The following FBXL5 variants were observed in gnomAD, a reference collection of about 807,000 sequenced individuals.
FBXL5 encodes F-box and leucine rich repeat protein 5.
Under a neutral mutation model 78.3 loss-of-function variants are expected in FBXL5, and 26 were observed. The observed-to-expected ratio is 0.33, with a 90% CI of 0.24 to 0.46. The LOEUF (loss-of-function observed/expected upper bound fraction) is 0.46. FBXL5 is among the 20% of genes least tolerant of loss of function. The pLI is 1.00. For missense variants in FBXL5, 710 were observed against 829.2 expected (o/e 0.86, Z 1.77); for synonymous variants, 295 against 282.5 (o/e 1.04, Z -0.45).
intron 5 of FBXL5, among the ~76,000 whole-genome samples, chr4:15,633,463 T>C (rs1351801432): frequency 1.3e-5 from 2 of 152,186 alleles, no homozygotes; most frequent in Non-Finnish European, 2.9e-5. Context: ...AGTCAGCAGT[T>C]CAGAAGTAGA....
At chr4:15,642,834 G>A (rs977536234) in intron 2 of FBXL5, among the ~76,000 whole-genome samples, 5 of 152,116 alleles carry the variant, frequency 3.3e-5, no homozygotes, top group Non-Finnish European at 7.4e-5. Context: ...AACCTAATCT[G>A]TCAAGAATGA....
In FBXL5 at chr4:15,646,133, C is replaced by T. The variant is rs1715324584; in HGVS notation, c.85-1425G>A. On this transcript the variant is annotated intron_variant, in intron 1 of 10. Coordinates refer to ENST00000341285, the MANE Select transcript of FBXL5 (RefSeq NM_012161.4). ...TGTGGTCTGTAGCAATTATTTACCTCAGCAGTTGTAGCACAAAAGTAGTCA... is the reference window on the plus strand; with the variant it reads ...TGTGGTCTGTAGCAATTATTTACCTTAGCAGTTGTAGCACAAAAGTAGTCA... 2.0e-5 allele frequency among the ~76,000 whole-genome samples: 3 copies of T among 152,272 alleles called. No individual in the cohort carries two copies. The South Asian group carries it at 6.2e-4, about 32-fold the overall frequency.
At chr4:15,648,173 TAA>T (rs1346385592) in intron 1 of FBXL5, among the ~76,000 whole-genome samples, 7 of 152,166 alleles carry the variant, frequency 4.6e-5, no homozygotes, top group African/African-American at 1.7e-4. Flanking sequence ...GATAATTTAA[TAA>T]GTTAATATAA....
intron 2 of FBXL5, among the ~76,000 whole-genome samples, chr4:15,643,476 G>A (rs985836883): frequency 6.6e-6 from 1 of 152,214 alleles, no homozygotes; most frequent in African/African-American, 2.4e-5. Flanking sequence ...ACTATACCCA[G>A]TAATATCTTT....
chr4:15,640,768 G>T lies in FBXL5; in HGVS notation c.396+20C>A, dbSNP rs369379679. On this transcript the variant is annotated intron_variant, in intron 3 of 10. Transcript: ENST00000341285. ...TAAGAATGTTATAAATCTAAATCACGAAAGAAAAATTATGCTTACCTCCTC... is the reference window on the plus strand; with the variant it reads ...TAAGAATGTTATAAATCTAAATCACTAAAGAAAAATTATGCTTACCTCCTC... 7.4e-7 allele frequency: 1 copy of T among 1,351,382 alleles called. No individual in the cohort carries two copies. The highest frequency in any genetic ancestry group is 1.0e-6 in the Non-Finnish European group (1 of 988,592). 83.7% of individuals were successfully genotyped at this position (1,351,382 alleles called of 1,614,324 possible).
chr4:15,657,802 C>G (rs992334837), upstream of FBXL5, among the ~76,000 whole-genome samples: 1 of 152,164 alleles, frequency 6.6e-6, no homozygotes, highest in African/African-American at 2.4e-5. Flanking sequence ...AGTGTAGTAT[C>G]ATTACCATAG....
At chr4:15,668,470 T>C (rs1019655350) in intron 1 of FBXL5, among the ~76,000 whole-genome samples, 1 of 151,072 alleles carries the variant, frequency 6.6e-6, no homozygotes. Flanking sequence ...TATTTTTTTT[T>C]GTACTTGGTT....
intron 9 of FBXL5, among the ~76,000 whole-genome samples, chr4:15,618,492 CAA>C (rs1327474532): frequency 6.6e-6 from 1 of 152,178 alleles, no homozygotes; most frequent in Non-Finnish European, 1.5e-5. Context: ...ACCCTCTCAA[CAA>C]AGAGACCAAA....
intron 3 of FBXL5, 115 bp downstream of exon 3, chr4:15,640,670 GTTC>G: frequency 2.1e-6 from 1 of 483,292 alleles, no homozygotes. Context: ...AAAGAACTGC[GTTC>G]TTCTCTCCAT....
intron 1 of FBXL5, among the ~76,000 whole-genome samples, chr4:15,671,976 T>C (rs1717789346): frequency 6.6e-6 from 1 of 152,212 alleles, no homozygotes; most frequent in South Asian, 2.1e-4. Context: ...TTTTATCTCA[T>C]TATGGGTCCT....
chr4:15,625,586 C>T lies in FBXL5; in HGVS notation c.1516G>A (p.Val506Ile), dbSNP rs1365017843. The T allele has an allele frequency of 1.9e-6, 3 of 1,614,092 alleles. No individual in the cohort carries two copies. Among genetic ancestry groups the T allele is most frequent in the Non-Finnish European group, 2.5e-6 (3 of 1,180,040 alleles). The change falls in exon 9 of 11, where the codon GTA (valine) becomes ATA (isoleucine). Residue 506 changes from valine to isoleucine, a missense_variant. Coordinates refer to ENST00000341285, the MANE Select transcript of FBXL5 (RefSeq NM_012161.4). ...WRHRNVESLC[V>I]METASNFSCS... ...CTAAAGTTGGATGCTGTTTCCATTA[C>T]ACAAAGACTTTCAACATTTCTATGT...
chr4:15,650,661 CTTTTTTTTTT>C (rs34334098), intron 1 of FBXL5, among the ~76,000 whole-genome samples: 3 of 77,912 alleles, frequency 3.9e-5, no homozygotes, highest in South Asian at 5.5e-4. Flanking sequence ...AACTGACTTT[CTTTTTTTTTT>C]TTTTTTTTTT....
chr4:15,640,932 A>C (rs1714800647), intron 2 of FBXL5, 49 bp from the exon 3 acceptor site: 1 of 1,033,350 alleles, frequency 9.7e-7, no homozygotes, highest in African/African-American at 1.7e-5. Context: ...CGCTTCATTA[A>C]TTATGTCTGG....
chr4:15,669,358 A>G (rs1481322394), intron 1 of FBXL5, among the ~76,000 whole-genome samples: 1 of 152,220 alleles, frequency 6.6e-6, no homozygotes, highest in East Asian at 1.9e-4. Context: ...GAGTAAAAAT[A>G]CAGTATTACT....
chr4:15,631,209 T>C (rs1465329108), intron 5 of FBXL5, among the ~76,000 whole-genome samples: 1 of 152,210 alleles, frequency 6.6e-6, no homozygotes, highest in African/African-American at 2.4e-5. Context: ...AGACTGATGG[T>C]TTCCAGCTTC....
At chr4:15,657,954 A>G (rs910256204), upstream of FBXL5, among the ~76,000 whole-genome samples, 4 of 152,372 alleles carry the variant, frequency 2.6e-5, no homozygotes, top group Admixed American at 2.6e-4. Flanking sequence ...AAGTCTGAAT[A>G]AGGCATGTGA....
intron 4 of FBXL5, 130 bp from the exon 5 acceptor site, chr4:15,636,806 T>G: frequency 1.6e-6 from 1 of 626,430 alleles, no homozygotes; most frequent in African/African-American, 1.8e-5. Flanking sequence ...GATGTGAAAA[T>G]GAAATAACAT....
At chr4:15,649,354 C>A (rs189127818) in intron 1 of FBXL5, among the ~76,000 whole-genome samples, 9 of 152,000 alleles carry the variant, frequency 5.9e-5, no homozygotes, top group Non-Finnish European at 4.4e-5. Flanking sequence ...CCGAGGCAGG[C>A]GGATCACAAG....
upstream of FBXL5, among the ~76,000 whole-genome samples, chr4:15,661,739 C>T (rs1398230846): frequency 6.6e-6 from 1 of 152,086 alleles, no homozygotes; most frequent in African/African-American, 2.4e-5. Flanking sequence ...TTTATTATTT[C>T]AGTTTTTAAG....
Sources: allele counts gnomAD v4.1 joint callset (sites outside exome capture counted in the v4.1 genomes callset), GRCh38; gene constraint gnomAD v4.1.1; transcripts MANE v1.5; gene names NCBI Gene and HGNC (gene_info 2026-07-23, HGNC 2026-07-21).